Variants in APLP2 observed in about 807,000 individuals in gnomAD.
APLP2 encodes CDEI box-binding protein.
Under a neutral mutation model 89.9 loss-of-function variants are expected in APLP2, and 53 were observed. The ratio of observed to expected loss-of-function variants is 0.59; its 90% CI spans 0.47 to 0.74. APLP2 has a LOEUF of 0.74. Ranked by LOEUF, APLP2 falls within the 30% of genes least tolerant of loss-of-function variation. The pLI is 0.00. For missense variants in APLP2, 973 were observed against 975.9 expected (o/e 1.00, Z 0.04); for synonymous variants, 372 against 348.6 (o/e 1.07, Z -0.75).
chr11:130,070,682 C>G (rs542967712), intron 1 of APLP2: 1 of 1,477,798 alleles, frequency 6.8e-7, no homozygotes, highest in South Asian at 1.3e-5. Flanking sequence ...GGGGCCGGGT[C>G]GCGGACGCGC....
intron 1 of APLP2, among the ~76,000 whole-genome samples, chr11:130,071,841 A>G (rs1941163787): frequency 6.6e-6 from 1 of 152,162 alleles, no homozygotes; most frequent in African/African-American, 2.4e-5. Flanking sequence ...TTTTGCTCAC[A>G]CTTACTAAAT....
intron 1 of APLP2, among the ~76,000 whole-genome samples, chr11:130,091,754 T>C (rs1397662136): frequency 6.8e-6 from 1 of 147,680 alleles, no homozygotes; most frequent in African/African-American, 2.5e-5. Flanking sequence ...ACGGCACGGC[T>C]GGCCAGGCGG....
At chr11:130,110,326 G>A (rs1466882041) in intron 2 of APLP2, among the ~76,000 whole-genome samples, 1 of 152,230 alleles carries the variant, frequency 6.6e-6, no homozygotes, top group African/African-American at 2.4e-5. Flanking sequence ...AAAACAGAAT[G>A]CGTGGAAGTG....
intron 1 of APLP2, among the ~76,000 whole-genome samples, chr11:130,094,272 C>T (rs1288671444): frequency 2.6e-5 from 4 of 152,080 alleles, no homozygotes; most frequent in South Asian, 2.1e-4. Flanking sequence ...AGGCTGTTCT[C>T]GAACTCCCAA....
chr11:130,083,026 C>CTTTTTTTTTTTTTTTTTTTTTTTTTTTTT lies in APLP2; in HGVS notation c.105+12971_105+12972insTTTTTTTTTTTTTTTTTTTTTTTTTTTTT, dbSNP rs553962550. ...TATTAACCACTGAAACTTTTCTTTT[C>CTTTTTTTTTTTTTTTTTTTTTTTTTTTTT]TTTTTTTTTTTTTTTTTTTTTTTTT... On this transcript the variant is annotated intron_variant, in intron 1 of 16. Coordinates refer to ENST00000338167, the MANE Select transcript of APLP2 (RefSeq NM_001142276.2). 1.4e-4 allele frequency among the ~76,000 whole-genome samples: 10 copies of CTTTTTTTTTTTTTTTTTTTTTTTTTTTTT among 72,524 alleles called. 1 individual carries two copies. The highest frequency in any genetic ancestry group is 3.8e-4 in the African/African-American group (6 of 15,894). 47.6% of individuals were successfully genotyped at this position (72,524 alleles called of 152,430 possible).
intron 5 of APLP2, 59 bp from the exon 6 acceptor site, chr11:130,122,246 T>C (rs993482146): frequency 2.5e-6 from 4 of 1,577,176 alleles, no homozygotes; most frequent in Non-Finnish European, 3.5e-6. Context: ...AAGGGACCCA[T>C]TGTTGTGCTT....
rs966370547 is a variant in APLP2, at chr11:130,123,913, A to G, written c.1090+134A>G. Reference sequence around the variant, plus strand: ...GTTTGCTGTCGGTCGTCTTCCCCTCATCTTTGTGCTTTCTAGATCTAGGCT... The same window carrying G: ...GTTTGCTGTCGGTCGTCTTCCCCTCGTCTTTGTGCTTTCTAGATCTAGGCT... On this transcript the variant is annotated intron_variant, in intron 7 of 16. Transcript: ENST00000338167. This position sits in a 1 kb window ranked among gnomAD's most constrained non-coding sequence, Gnocchi z 4.0. 4.1e-5 allele frequency: 39 copies of G among 955,068 alleles called. No homozygotes were observed. The African/African-American group carries it at 5.3e-4, about 13-fold the overall frequency. The allele number at this position is 955,068 out of a possible 1,614,324, so 59.2% of individuals were successfully genotyped here.
intron 3 of APLP2, 48 bp from the exon 4 acceptor site, chr11:130,120,657 AC>A: frequency 7.1e-7 from 1 of 1,404,736 alleles, no homozygotes. Context: ...GGGCATTTTC[AC>A]CTTGAAATCA....
chr11:130,098,485 A>G (rs1353572643), intron 1 of APLP2, among the ~76,000 whole-genome samples: 1 of 152,018 alleles, frequency 6.6e-6, no homozygotes, highest in Non-Finnish European at 1.5e-5. Flanking sequence ...AAAGAGATCT[A>G]GTGAAGTCAA....
intron 3 of APLP2, among the ~76,000 whole-genome samples, chr11:130,114,516 A>G (rs1948958800): frequency 6.6e-6 from 1 of 152,160 alleles, no homozygotes; most frequent in Non-Finnish European, 1.5e-5. Context: ...CTATGTACAC[A>G]TTGTCTGCAT....
At chr11:130,100,654 T>C (rs1946783122) in intron 1 of APLP2, among the ~76,000 whole-genome samples, 1 of 152,204 alleles carries the variant, frequency 6.6e-6, no homozygotes, top group South Asian at 2.1e-4. Context: ...ATCTTGGAAA[T>C]GATACCTCAT....
intron 13 of APLP2, chr11:130,138,793 T>C (rs1403979920): frequency 6.6e-6 from 1 of 150,592 alleles, no homozygotes; most frequent in Non-Finnish European, 1.5e-5. Flanking sequence ...GAGACAGGGT[T>C]TTGCCATGTT....
intron 3 of APLP2, among the ~76,000 whole-genome samples, chr11:130,118,940 C>G (rs778129916): frequency 1.3e-5 from 2 of 152,170 alleles, no homozygotes; most frequent in Non-Finnish European, 2.9e-5. Flanking sequence ...GGGACTGTTA[C>G]ACTGCTACAG....
intron 5 of APLP2, among the ~76,000 whole-genome samples, chr11:130,122,017 A>T (rs995540247): frequency 9.2e-5 from 14 of 151,952 alleles, no homozygotes; most frequent in Non-Finnish European, 1.3e-4. Context: ...CTGAGCTGTT[A>T]TTTTCTGCAG....
intron 7 of APLP2, among the ~76,000 whole-genome samples, chr11:130,124,317 C>A (rs1950153444): frequency 6.6e-6 from 1 of 152,148 alleles, no homozygotes; most frequent in Non-Finnish European, 1.5e-5. Flanking sequence ...GAGCTAGCAG[C>A]CAAGTGGTAG....
Position 130,121,757 on chromosome 11 carries a change from TGAAGAGGAAGAG to T in APLP2, c.672_683del (p.Glu224_Glu227del), listed in dbSNP as rs3837393. 2.7e-5 allele frequency: 44 copies of T among 1,610,012 alleles called. No homozygotes were observed. In the African/African-American group the frequency reaches 2.9e-4, roughly 11 times the overall value. On this transcript the variant is annotated inframe_deletion, in exon 5 of 17. Transcript: ENST00000338167. Reference sequence around the variant, plus strand: ...TGTCAAAAGAAGAGGAAGAGGAAGATGAAGAGGAAGAGGAAGAGGAAGATGAAGAGGAAGACT... The same window carrying T: ...TGTCAAAAGAAGAGGAAGAGGAAGATGAAGAGGAAGATGAAGAGGAAGACT...
intron 1 of APLP2, among the ~76,000 whole-genome samples, chr11:130,093,294 C>T (rs139549890): frequency 6.6e-6 from 1 of 152,294 alleles, no homozygotes; most frequent in African/African-American, 2.4e-5. Flanking sequence ...ACTTCAGGAA[C>T]ACCTTGAACA....
At chr11:130,124,580 CCAGA>C (rs780987155) in intron 7 of APLP2, among the ~76,000 whole-genome samples, 2 of 152,144 alleles carry the variant, frequency 1.3e-5, no homozygotes, top group Non-Finnish European at 1.5e-5. Flanking sequence ...AATCCTCAGG[CCAGA>C]CAGTTTTTCT....
At position 130,109,539 on chromosome 11, in the gene APLP2, T is replaced by A. The variant is rs769403713; in HGVS notation, c.216T>A (p.Pro72=). Residue 72 remains proline (P), a synonymous_variant, in exon 2 of 17, where the codon CCT becomes CCA. Transcript: ENST00000338167. ...ACATTCAGACTGGGAAATGGGAACC[T>A]GATCCAACAGGCACCAAGAGCTGCT... ...HVNIQTGKWE[P]DPTGTKSCFE... 6 of 1,613,666 alleles carry A rather than the reference T, an allele frequency of 3.7e-6. No individual in the cohort carries two copies. Among genetic ancestry groups the A allele is most frequent in the Middle Eastern group, 3.3e-4 (2 of 6,082 alleles).
Sources: allele counts gnomAD v4.1 joint callset (sites outside exome capture counted in the v4.1 genomes callset), GRCh38; gene constraint gnomAD v4.1.1; non-coding constraint Gnocchi (gnomAD v3.1); transcripts MANE v1.5; gene names NCBI Gene and HGNC (gene_info 2026-07-23, HGNC 2026-07-21).